Variants in SLC9A7 observed in about 807,000 individuals in gnomAD.
SLC9A7 encodes sodium/hydrogen exchanger 7.
SLC9A7 carries 19 observed loss-of-function variants against 52.6 expected under a neutral mutation model. That is an observed-to-expected ratio of 0.36 (90% confidence interval 0.25 to 0.53). SLC9A7 has a LOEUF of 0.53. Among genes scored for constraint, SLC9A7 ranks in the 20% least tolerant of loss-of-function variants. SLC9A7 has a pLI of 0.91. For missense variants in SLC9A7, 455 were observed against 597.9 expected, an observed-to-expected ratio of 0.76 and a Z score of 2.49; for synonymous variants, 226 against 252.1, an observed-to-expected ratio of 0.90 and a Z score of 0.98.
chrX:46,755,267 T>A (rs1230104053), intron 1 of SLC9A7, among the ~76,000 whole-genome samples: 1 of 110,248 alleles, frequency 9.1e-6, no homozygotes, highest in African/African-American at 3.3e-5. Flanking sequence ...TAATGTAACA[T>A]TGACTACTCT....
At position 46,613,302 on chromosome X, in the gene SLC9A7, G is replaced by A; in HGVS notation, c.1916C>T (p.Pro639Leu). The change falls in exon 16 of 17, where the codon CCC becomes CTC. Residue 639 changes from proline to leucine, a missense_variant. This residue lies in a region of SLC9A7 where 146 missense variants were observed against 160.5 expected (regional missense o/e 0.91). Coordinates refer to ENST00000616978, the MANE Select transcript of SLC9A7 (RefSeq NM_001257291.2). ...TGCAGTACTTACATCGTACACCTGGGGACTGGTCAGACATCGAGCTAGTAA... is the reference window on the plus strand; with the variant it reads ...TGCAGTACTTACATCGTACACCTGGAGACTGGTCAGACATCGAGCTAGTAA... ...CGLLARCLTS[P>L]QVYDNQEPLR... The A allele has an allele frequency of 3.3e-6, 4 of 1,204,458 alleles. No individual in the cohort carries two copies. Among genetic ancestry groups the A allele is most frequent in the Non-Finnish European group, 4.5e-6 (4 of 890,841 alleles).
intron 2 of SLC9A7, among the ~76,000 whole-genome samples, chrX:46,680,117 G>A (rs755553891): frequency 1.3e-4 from 14 of 111,178 alleles, no homozygotes; most frequent in Admixed American, 1.0e-3. Flanking sequence ...TTGGGAGGCC[G>A]AGGCGGGTGG....
chrX:46,707,833 G>A (rs1387702361), intron 1 of SLC9A7, among the ~76,000 whole-genome samples: 5 of 112,222 alleles, frequency 4.5e-5, no homozygotes, highest in African/African-American at 1.6e-4. Context: ...TCCACCTCTC[G>A]AGTTCAAGTA....
At chrX:46,635,495 G>T in intron 13 of SLC9A7, 94 bp downstream of exon 13, 3 of 709,763 alleles carry the variant, frequency 4.2e-6, no homozygotes, top group Non-Finnish European at 6.5e-6. Flanking sequence ...ACGCAGGAAG[G>T]AAGAGAAAAA....
chrX:46,746,730 G>C (rs1420204027), intron 1 of SLC9A7, among the ~76,000 whole-genome samples: 1 of 112,290 alleles, frequency 8.9e-6, no homozygotes, highest in Non-Finnish European at 1.9e-5. Context: ...AGAACAGTTT[G>C]GAGGTTCCTC....
intron 3 of SLC9A7, among the ~76,000 whole-genome samples, chrX:46,678,850 T>G (rs536815528): frequency 1.6e-4 from 18 of 111,863 alleles, no homozygotes; most frequent in African/African-American, 5.5e-4. Context: ...ACATCTTACA[T>G]AACTATGGTA....
intron 14 of SLC9A7, among the ~76,000 whole-genome samples, chrX:46,624,577 T>C (rs1179160613): frequency 1.8e-5 from 2 of 112,622 alleles, no homozygotes; most frequent in African/African-American, 6.5e-5. Flanking sequence ...CTCATTATTG[T>C]TTGCCATGTG....
At position 46,599,476 on chromosome X, in the gene SLC9A7, CAGTT is replaced by C. The variant is rs953502179; in HGVS notation, c.*7472_*7475del. 10 of 111,832 alleles carry C rather than the reference CAGTT, an allele frequency of 8.9e-5. No individual in the cohort carries two copies. Among genetic ancestry groups the C allele is most frequent in the African/African-American group, 3.3e-4 (10 of 30,767 alleles). 9.2% of individuals were successfully genotyped at this position (111,832 alleles called of 1,213,427 possible). A position where few individuals can be genotyped will look rare whatever the true frequency, so the allele number is the denominator to read the frequency against. Reference sequence around the variant, plus strand: ...AAATACAAAACAAAATTAGCTCAGCCAGTTAGTTGTTTTATTTTGAGTTTTGTTT... The same window carrying C: ...AAATACAAAACAAAATTAGCTCAGCCAGTTGTTTTATTTTGAGTTTTGTTT... On this transcript the variant is annotated 3_prime_UTR_variant, in exon 17 of 17. Coordinates refer to ENST00000616978, the MANE Select transcript of SLC9A7 (RefSeq NM_001257291.2).
chrX:46,748,549 G>GTC (rs1445565685), intron 1 of SLC9A7, among the ~76,000 whole-genome samples: 5 of 62,656 alleles, frequency 8.0e-5, no homozygotes, highest in African/African-American at 2.7e-4. Flanking sequence ...TGTGGAGTGT[G>GTC]TGTGTGTGTG....
intron 1 of SLC9A7, among the ~76,000 whole-genome samples, chrX:46,730,670 T>TAATATATATATA (rs1491295251): frequency 1.0e-3 from 43 of 42,907 alleles, no homozygotes; most frequent in African/African-American, 2.8e-3. Context: ...AAAAAAAAAA[T>TAATATATATATA]TATATATATA....
intron 5 of SLC9A7, among the ~76,000 whole-genome samples, chrX:46,665,672 C>A (rs1943909048): frequency 9.1e-6 from 1 of 109,880 alleles, no homozygotes; most frequent in Non-Finnish European, 1.9e-5. Context: ...TTCCTGTGAA[C>A]CATCATGATG....
chrX:46,746,199 G>A (rs1452678324), intron 1 of SLC9A7, among the ~76,000 whole-genome samples: 1 of 109,983 alleles, frequency 9.1e-6, no homozygotes, highest in Non-Finnish European at 1.9e-5. Flanking sequence ...CGTGGTGGTG[G>A]GCACCTGTAA....
intron 14 of SLC9A7, among the ~76,000 whole-genome samples, chrX:46,627,782 G>T (rs1397366068): frequency 9.2e-5 from 10 of 109,062 alleles, no homozygotes; most frequent in South Asian, 4.1e-4. Context: ...GCGGGTTGGG[G>T]GGGGGGCGGT....
At chrX:46,623,933 T>C (rs1219063637) in intron 14 of SLC9A7, among the ~76,000 whole-genome samples, 1 of 111,753 alleles carries the variant, frequency 8.9e-6, no homozygotes, top group African/African-American at 3.3e-5. Flanking sequence ...AATTAGAGGA[T>C]TGGAACTTTT....
At chrX:46,713,144 C>T in intron 1 of SLC9A7, among the ~76,000 whole-genome samples, 1 of 111,964 alleles carries the variant, frequency 8.9e-6, no homozygotes, top group South Asian at 3.7e-4. Context: ...GTCAGATGGC[C>T]CCTTATCCAT....
rs765553344 is a variant in SLC9A7 at position 46,712,143 on chromosome X, T to C, written c.326-29608A>G. 1.9e-3 allele frequency among the ~76,000 whole-genome samples: 214 copies of C among 111,951 alleles called. 1 individual carries two copies. The highest frequency in any genetic ancestry group is 6.5e-3 in the African/African-American group (201 of 30,834). ...AATGAATTTTGCTGCATCTCCCTTT[T>C]TTAACTCCATATTATGTTTTTTGCA... On this transcript the variant is annotated intron_variant, in intron 1 of 16. Coordinates refer to ENST00000616978, the MANE Select transcript of SLC9A7 (RefSeq NM_001257291.2).
At chrX:46,632,248 C>G (rs958964020) in intron 13 of SLC9A7, among the ~76,000 whole-genome samples, 3 of 112,034 alleles carry the variant, frequency 2.7e-5, no homozygotes, top group African/African-American at 9.8e-5. Flanking sequence ...CTAAATACTT[C>G]ACGTGCATAT....
At position 46,697,973 on chromosome X, in the gene SLC9A7, G is replaced by A. The variant is rs1023760846; in HGVS notation, c.326-15438C>T. ...TGGTCGAGACTGCAGGGGTGAAATA[G>A]ACCCCAATCTCCCATAGCACTCCCA... On this transcript the variant is annotated intron_variant, in intron 1 of 16. Transcript: ENST00000616978. Among the ~76,000 whole-genome samples the A allele has an allele frequency of 3.6e-5, 4 of 111,302 alleles. No individual in the cohort carries two copies. The East Asian group carries it at 1.1e-3, about 31-fold the overall frequency.
intron 13 of SLC9A7, among the ~76,000 whole-genome samples, chrX:46,634,402 C>T (rs140574532): frequency 1.6e-3 from 177 of 110,614 alleles, no homozygotes; most frequent in Non-Finnish European, 2.6e-3. Context: ...AGATAAAATG[C>T]CATAAAATCT....
Sources: allele counts gnomAD v4.1 joint callset (sites outside exome capture counted in the v4.1 genomes callset), GRCh38; gene constraint gnomAD v4.1.1; regional missense constraint gnomAD v4.1.1; transcripts MANE v1.5; gene names NCBI Gene and HGNC (gene_info 2026-07-23, HGNC 2026-07-21).